Variants in HDAC9 observed in about 807,000 individuals in gnomAD.
HDAC9 encodes the protein MEF-2 interacting transcription repressor (MITR) protein.
HDAC9 carries 41 observed loss-of-function variants against 139.4 expected under a neutral mutation model. The ratio of observed to expected loss-of-function variants is 0.29; its 90% CI spans 0.23 to 0.38. The LOEUF (loss-of-function observed/expected upper bound fraction) is 0.38. HDAC9 is among the 10% of genes least tolerant of loss of function. The pLI, the probability that HDAC9 is intolerant of heterozygous loss-of-function variation, is 1.00. For synonymous variants in HDAC9, 517 were observed against 476.2 expected, an observed-to-expected ratio of 1.09 and a Z score of -1.12; for missense variants, 1,147 against 1,297.0, an observed-to-expected ratio of 0.88 and a Z score of 1.78.
intron 2 of HDAC9, among the ~76,000 whole-genome samples, chr7:18,562,145 C>T (rs1346855812): frequency 6.6e-6 from 1 of 152,050 alleles, no homozygotes; most frequent in African/African-American, 2.4e-5. Context: ...GGAGAAATGT[C>T]TTTTCAAGTT....
chr7:18,439,775 G>A (rs938106183), intron 1 of HDAC9, among the ~76,000 whole-genome samples: 5 of 151,898 alleles, frequency 3.3e-5, no homozygotes, highest in African/African-American at 7.3e-5. Context: ...TCTCTTTCTC[G>A]CTCTTCATAC....
chr7:18,324,922 G>T (rs1800319425), intron 1 of HDAC9, among the ~76,000 whole-genome samples: 1 of 152,078 alleles, frequency 6.6e-6, no homozygotes, highest in Non-Finnish European at 1.5e-5. Context: ...ATAGTATAAA[G>T]TTCCTTTTCT....
At chr7:18,868,795 A>T (rs542127835) in intron 21 of HDAC9, among the ~76,000 whole-genome samples, 42 of 151,618 alleles carry the variant, frequency 2.8e-4, no homozygotes, top group African/African-American at 9.2e-4. Context: ...TACTCTTCCC[A>T]CCCTTCTTAT....
chr7:18,274,393 C>T (rs1468095313), intron 2 of HDAC9, among the ~76,000 whole-genome samples: 2 of 152,112 alleles, frequency 1.3e-5, no homozygotes, highest in African/African-American at 4.8e-5. Flanking sequence ...GAGAGCAAAT[C>T]AGAGGAAGCC....
intron 11 of HDAC9, among the ~76,000 whole-genome samples, chr7:18,652,899 A>G (rs1051844983): frequency 1.3e-5 from 2 of 152,092 alleles, no homozygotes; most frequent in African/African-American, 4.8e-5. Flanking sequence ...CAGTGTCCTC[A>G]TGGAGCTTAT....
intron 22 of HDAC9, among the ~76,000 whole-genome samples, chr7:18,923,348 GCTT>G (rs934360142): frequency 5.3e-4 from 81 of 152,208 alleles, no homozygotes; most frequent in African/African-American, 1.7e-3. Flanking sequence ...GCATCTGCGA[GCTT>G]CTTTGGTTTG....
chr7:18,776,740 C>T (rs1790801336), intron 16 of HDAC9, among the ~76,000 whole-genome samples: 1 of 151,866 alleles, frequency 6.6e-6, no homozygotes, highest in South Asian at 2.1e-4. Context: ...CCTGGGAGCC[C>T]TGGTTTCTTG....
chr7:18,688,943 TAAAGG>T (rs1782474865), intron 12 of HDAC9, among the ~76,000 whole-genome samples: 1 of 151,920 alleles, frequency 6.6e-6, no homozygotes, highest in African/African-American at 2.4e-5. Context: ...TTAGAAAAAG[TAAAGG>T]AAAGACAGTT....
intron 2 of HDAC9, among the ~76,000 whole-genome samples, chr7:18,240,520 C>T (rs1385200237): frequency 6.6e-6 from 1 of 152,108 alleles, no homozygotes; most frequent in Admixed American, 6.5e-5. Context: ...GAGAATTCCT[C>T]TGAGAAAAAA....
intron 1 of HDAC9, among the ~76,000 whole-genome samples, chr7:18,356,246 A>G (rs1045194245): frequency 6.6e-6 from 1 of 151,748 alleles, no homozygotes; most frequent in Non-Finnish European, 1.5e-5. Flanking sequence ...TAAATGTAAC[A>G]CGTTAGGTCA....
intron 1 of HDAC9, among the ~76,000 whole-genome samples, chr7:18,096,811 G>A (rs567066163): frequency 7.9e-5 from 12 of 152,202 alleles, no homozygotes; most frequent in East Asian, 1.9e-4. Flanking sequence ...CTCTGAATGC[G>A]TAGCACAGCA....
intron 2 of HDAC9, among the ~76,000 whole-genome samples, chr7:18,511,239 G>T (rs140755018): frequency 1.6e-4 from 25 of 152,266 alleles, no homozygotes; most frequent in African/African-American, 5.5e-4. Context: ...TCAATCAACT[G>T]ATACCCGTAG....
chr7:18,608,519 T>C, intron 6 of HDAC9, among the ~76,000 whole-genome samples: 1 of 152,178 alleles, frequency 6.6e-6, no homozygotes, highest in East Asian at 1.9e-4. Context: ...CAAGATAAAT[T>C]CTAAAGTTAT....
At chr7:18,405,062 A>G (rs1190249396) in intron 1 of HDAC9, among the ~76,000 whole-genome samples, 2 of 152,210 alleles carry the variant, frequency 1.3e-5, no homozygotes, top group African/African-American at 4.8e-5. Flanking sequence ...GGGAGCAAAC[A>G]GGAGGACCCA....
At chr7:18,884,042 TGAA>T (rs1257281351) in intron 22 of HDAC9, among the ~76,000 whole-genome samples, 3 of 152,080 alleles carry the variant, frequency 2.0e-5, no homozygotes, top group Non-Finnish European at 2.9e-5. Flanking sequence ...TGAAAAATAT[TGAA>T]GAAGATGTAA....
chr7:18,528,415 T>A (rs1325432589), intron 2 of HDAC9, among the ~76,000 whole-genome samples: 1 of 152,122 alleles, frequency 6.6e-6, no homozygotes, highest in Non-Finnish European at 1.5e-5. Context: ...GATATATTTA[T>A]AAGCCCAGTG....
intron 1 of HDAC9, among the ~76,000 whole-genome samples, chr7:18,344,878 A>C (rs1224320949): frequency 1.3e-5 from 2 of 152,026 alleles, no homozygotes; most frequent in Admixed American, 1.3e-4. Flanking sequence ...ACCAAATTCT[A>C]AGGATTGATA....
At chr7:18,173,687 G>T (rs1365850786) in intron 2 of HDAC9, among the ~76,000 whole-genome samples, 1 of 152,120 alleles carries the variant, frequency 6.6e-6, no homozygotes, top group Admixed American at 6.5e-5. Context: ...GTCTGTAAAG[G>T]ATTTTATTTC....
intron 1 of HDAC9, among the ~76,000 whole-genome samples, chr7:18,468,153 T>C (rs1367103665): frequency 6.6e-6 from 1 of 152,158 alleles, no homozygotes; most frequent in Non-Finnish European, 1.5e-5. Context: ...TTAAAGTTAC[T>C]TTTTTCTCCC....
Sources: allele counts gnomAD v4.1 joint callset (sites outside exome capture counted in the v4.1 genomes callset), GRCh38; gene constraint gnomAD v4.1.1; transcripts MANE v1.5; gene names NCBI Gene and HGNC (gene_info 2026-07-23, HGNC 2026-07-21).